Variants in MMP20 observed in about 807,000 individuals in gnomAD.
MMP20 encodes matrix metallopeptidase 20, also known as matrix metalloproteinase-20.
MMP20 carries 50 observed loss-of-function variants against 51.8 expected under a neutral mutation model. That is an observed-to-expected ratio of 0.97 (90% CI 0.77 to 1.22). MMP20 has a LOEUF of 1.22. MMP20 is among the 50% of genes most tolerant of loss of function. MMP20 has a pLI of 0.00. For missense variants in MMP20, 663 were observed against 601.4 expected (o/e 1.10, Z -1.07); for synonymous variants, 244 against 216.2 (o/e 1.13, Z -1.13).
At chr11:102,588,374 G>A (rs1400914637) in intron 8 of MMP20, among the ~76,000 whole-genome samples, 3 of 152,010 alleles carry the variant, frequency 2.0e-5, no homozygotes, top group Admixed American at 6.5e-5. Context: ...GAAAAGAGAA[G>A]ATGTATATAT....
At chr11:102,609,417 A>G (rs996300582) in intron 4 of MMP20, among the ~76,000 whole-genome samples, 7 of 152,208 alleles carry the variant, frequency 4.6e-5, no homozygotes, top group Non-Finnish European at 8.8e-5. Context: ...GCAATAATTC[A>G]TAAATTTAGA....
At chr11:102,600,679 G>T (rs1325858689) in intron 6 of MMP20, among the ~76,000 whole-genome samples, 1 of 151,988 alleles carries the variant, frequency 6.6e-6, no homozygotes, top group Non-Finnish European at 1.5e-5. Context: ...TAGAGACAGG[G>T]TTTCACCATG....
intron 3 of MMP20, 68 bp downstream of exon 3, chr11:102,611,687 A>T: frequency 6.4e-7 from 1 of 1,572,068 alleles, no homozygotes. Flanking sequence ...CGAATTAAAG[A>T]TGTAGAAGGA....
chr11:102,579,415 C>T (rs548588099), intron 8 of MMP20, among the ~76,000 whole-genome samples: 5 of 151,970 alleles, frequency 3.3e-5, no homozygotes, highest in South Asian at 2.1e-4. Context: ...CAGGCTCAAG[C>T]GATCCTCCTG....
intron 8 of MMP20, among the ~76,000 whole-genome samples, chr11:102,589,565 T>C (rs1234880640): frequency 6.6e-6 from 1 of 152,166 alleles, no homozygotes; most frequent in East Asian, 1.9e-4. Flanking sequence ...TTCTAGGAAG[T>C]GTATACTATT....
chr11:102,616,835 C>A lies in MMP20; in HGVS notation c.351G>T (p.Trp117Cys). 6.2e-7 allele frequency: 1 copy of A among 1,613,642 alleles called. No homozygotes were observed. The highest frequency in any genetic ancestry group is 1.1e-5 in the South Asian group (1 of 91,048). ...ACCTGTATGTCAAAGTATTTTTTTT[C>A]CATTTGGGTTCACCAGGGAAGAGGC... The part of the protein sequence containing the change: ...NYRLFPGEPK[W>C]KKNTLTYRIS... Residue 117 changes from tryptophan to cysteine, a missense_variant, in exon 2 of 10, where the codon TGG becomes TGT. Trp to Cys is a radical substitution (Grantham distance 215). Transcript: ENST00000260228.
At chr11:102,618,919 C>T (rs911933631) in intron 1 of MMP20, among the ~76,000 whole-genome samples, 7 of 152,138 alleles carry the variant, frequency 4.6e-5, no homozygotes, top group African/African-American at 1.7e-4. Context: ...TGATCCTTTA[C>T]TCCCTGCCCT....
intron 2 of MMP20, among the ~76,000 whole-genome samples, chr11:102,615,409 T>C (rs1682403298): frequency 6.6e-6 from 1 of 152,056 alleles, no homozygotes; most frequent in African/African-American, 2.4e-5. Context: ...GCTTAACAAG[T>C]GGCTGCAAAA....
intron 8 of MMP20, among the ~76,000 whole-genome samples, chr11:102,588,634 A>G (rs1859280714): frequency 6.6e-6 from 1 of 152,250 alleles, no homozygotes; most frequent in South Asian, 2.1e-4. Context: ...AATAAAGAAG[A>G]AGAAATATGC....
chr11:102,603,194 T>C (rs1277152188), intron 6 of MMP20, among the ~76,000 whole-genome samples: 1 of 152,222 alleles, frequency 6.6e-6, no homozygotes, highest in Non-Finnish European at 1.5e-5. Context: ...CAGATCATTG[T>C]TGGTGACGGG....
Position 102,593,603 on chromosome 11 carries a change from C to G in MMP20, c.1091-8G>C. The G allele has an allele frequency of 6.2e-7, 1 of 1,613,960 alleles. No homozygotes were observed. ...TTATCCAGTAGTGGGGACCTGAAAACAGAAATTAAAGTTTACGAAAACTCT... is the reference window on the plus strand; with the variant it reads ...TTATCCAGTAGTGGGGACCTGAAAAGAGAAATTAAAGTTTACGAAAACTCT... On this transcript the variant is annotated splice_region_variant and splice_polypyrimidine_tract_variant and intron_variant, in intron 7 of 9. Coordinates refer to ENST00000260228, the MANE Select transcript of MMP20 (RefSeq NM_004771.4).
chr11:102,590,986 C>A (rs994936560), intron 8 of MMP20, among the ~76,000 whole-genome samples: 1 of 152,188 alleles, frequency 6.6e-6, no homozygotes, highest in South Asian at 2.1e-4. Flanking sequence ...AACTGTCAGA[C>A]TTTTTACACA....
chr11:102,596,619 C>T (rs911393061), intron 6 of MMP20, among the ~76,000 whole-genome samples: 14 of 152,158 alleles, frequency 9.2e-5, no homozygotes, highest in African/African-American at 3.1e-4. Context: ...ACAGCCTTAT[C>T]TAAAGCGTAT....
chr11:102,591,403 A>G (rs1301896417), intron 8 of MMP20, among the ~76,000 whole-genome samples: 1 of 152,208 alleles, frequency 6.6e-6, no homozygotes, highest in East Asian at 1.9e-4. Flanking sequence ...TCAGAGAAAT[A>G]TTGAGGTTTA....
In MMP20 at chr11:102,612,575, C is replaced by T. The variant is rs891732472; in HGVS notation, c.375-672G>A. Among the ~76,000 whole-genome samples the T allele has an allele frequency of 4.6e-5, 7 of 151,974 alleles. 1 individual carries two copies. The highest frequency in any genetic ancestry group is 8.8e-5 in the Non-Finnish European group (6 of 67,990). On this transcript the variant is annotated intron_variant, in intron 2 of 9. Coordinates refer to ENST00000260228, the MANE Select transcript of MMP20 (RefSeq NM_004771.4). ...CATTGAGAGAGGACCTCTTTTTCCC[C>T]AAAGGGACTGGATGTTTTCAATTAT...
chr11:102,625,251 G>A lies in MMP20; in HGVS notation c.69C>T (p.Ala23=), dbSNP rs772949408. 1.2e-6 allele frequency: 2 copies of A among 1,613,838 alleles called. No homozygotes were observed. The highest frequency in any genetic ancestry group is 1.7e-6 in the Non-Finnish European group (2 of 1,179,876). ...TGGGGGAGGCTGCAACTAGGGAGGG[G>A]GCTGCAGTGGAAAACTTCAAAGCCA... The part of the protein sequence containing the change: ...LIMALKFSTA[A]PSLVAASPRT... Residue 23 remains alanine, a synonymous_variant, in exon 1 of 10, where the codon GCC becomes GCT. Coordinates refer to ENST00000260228, the MANE Select transcript of MMP20 (RefSeq NM_004771.4).
intron 8 of MMP20, among the ~76,000 whole-genome samples, chr11:102,592,142 T>A (rs973896535): frequency 8.5e-5 from 13 of 152,268 alleles, no homozygotes; most frequent in African/African-American, 3.1e-4. Flanking sequence ...CCTGTATATC[T>A]GCTGTGTGAC....
At chr11:102,581,742 T>C (rs1013161391) in intron 8 of MMP20, among the ~76,000 whole-genome samples, 2 of 152,050 alleles carry the variant, frequency 1.3e-5, no homozygotes, top group African/African-American at 4.8e-5. Context: ...ATAAAAGAAA[T>C]ACCTACTTCT....
intron 1 of MMP20, among the ~76,000 whole-genome samples, chr11:102,621,774 C>T (rs1711405): frequency 0.76 from 115,778 of 152,090 alleles, 44,190 homozygotes; most frequent in East Asian, 0.92. Context: ...TAGTATAAAA[C>T]CAAAATTTTC....
Sources: allele counts gnomAD v4.1 joint callset (sites outside exome capture counted in the v4.1 genomes callset), GRCh38; gene constraint gnomAD v4.1.1; transcripts MANE v1.5; gene names NCBI Gene and HGNC (gene_info 2026-07-23, HGNC 2026-07-21).